ASAP2: variants seen among roughly 807,000 people sequenced by gnomAD.
The protein encoded by ASAP2 is ArfGAP with SH3 domain, ankyrin repeat and PH domain 2.
ASAP2 carries 45 observed loss-of-function variants against 131.4 expected under a neutral mutation model. That is an observed-to-expected ratio of 0.34 (90% CI 0.27 to 0.44). The LOEUF is 0.44. ASAP2 is among the 20% of genes least tolerant of loss of function. The probability of loss-of-function intolerance (pLI) is 1.00; values close to 1 mark genes in which losing one functional copy is unlikely to be tolerated. For missense variants in ASAP2, 1,011 were observed against 1,297.0 expected (o/e 0.78, Z 3.39); for synonymous variants, 510 against 503.0 (o/e 1.01, Z -0.19).
In ASAP2 at chr2:9,369,557, G is replaced by A. The variant is rs184479077; in HGVS notation, c.1556+1038G>A. Among the ~76,000 whole-genome samples, 64 of 152,336 alleles carry A rather than the reference G, an allele frequency of 4.2e-4. 2 individuals carry two copies. The highest frequency in any genetic ancestry group is 1.3e-3 in the African/African-American group (55 of 41,576). On this transcript the variant is annotated intron_variant, in intron 16 of 27. Transcript: ENST00000281419. ...TACCTGTTTTGTTGTGATGCAAAGT[G>A]AAACAGACGGAAGGAAGGAGAGAGG...
chr2:9,387,056 A>G (rs1390343210), intron 21 of ASAP2, among the ~76,000 whole-genome samples: 3 of 137,038 alleles, frequency 2.2e-5, no homozygotes, highest in Non-Finnish European at 4.6e-5. Context: ...ATACAAAAAA[A>G]TTAGCCGGGC....
Position 9,226,140 on chromosome 2 carries a change from T to A in ASAP2, c.126+18910T>A, listed in dbSNP as rs537199127. On this transcript the variant is annotated intron_variant, in intron 1 of 27. Coordinates refer to ENST00000281419, the MANE Select transcript of ASAP2 (RefSeq NM_003887.3). ...AGAGGGGCTCAGAAGGTCAGTTGTT[T>A]GAAGTCCCACAGCTGGCTGGCCACG... Among the ~76,000 whole-genome samples the A allele has an allele frequency of 7.2e-5, 11 of 152,320 alleles. No homozygotes were observed. In the South Asian group the frequency reaches 1.0e-3, roughly 14 times the overall value.
chr2:9,221,323 C>CTTTTT (rs35784307), intron 1 of ASAP2, among the ~76,000 whole-genome samples: 54 of 131,910 alleles, frequency 4.1e-4, no homozygotes, highest in South Asian at 7.3e-4. Context: ...CTTTTCTTTT[C>CTTTTT]TTTTTTTTTT....
At chr2:9,258,569 C>T (rs1665342111) in intron 1 of ASAP2, among the ~76,000 whole-genome samples, 1 of 152,130 alleles carries the variant, frequency 6.6e-6, no homozygotes, top group African/African-American at 2.4e-5. Flanking sequence ...CCCCCGCCGC[C>T]ACACTCATCT....
intron 1 of ASAP2, among the ~76,000 whole-genome samples, chr2:9,255,526 A>C (rs1343417667): frequency 1.3e-5 from 2 of 152,232 alleles, no homozygotes; most frequent in African/African-American, 2.4e-5. Flanking sequence ...ATTTGATGTA[A>C]ATGCACACTG....
chr2:9,239,221 A>G (rs1663768007), intron 1 of ASAP2, among the ~76,000 whole-genome samples: 1 of 152,180 alleles, frequency 6.6e-6, no homozygotes, highest in Admixed American at 6.5e-5. Flanking sequence ...CATTTTTAAC[A>G]CTGCAACTAC....
At chr2:9,358,308 C>T (rs1672847998) in intron 14 of ASAP2, among the ~76,000 whole-genome samples, 1 of 152,194 alleles carries the variant, frequency 6.6e-6, no homozygotes, top group Non-Finnish European at 1.5e-5. Flanking sequence ...AGTACGTTCT[C>T]TGTTATTATC....
chr2:9,334,965 G>T, intron 8 of ASAP2, 128 bp from the exon 9 acceptor site: 1 of 1,343,882 alleles, frequency 7.4e-7, no homozygotes, highest in Non-Finnish European at 1.0e-6. Flanking sequence ...CTTGGTGGGA[G>T]GGAAGGTTTG....
intron 24 of ASAP2, chr2:9,398,808 C>CAAAAA (rs539475871): frequency 1.2e-3 from 117 of 101,164 alleles, no homozygotes; most frequent in African/African-American, 3.0e-3. Context: ...GACTCCATCT[C>CAAAAA]AAAAAAAAAA....
At chr2:9,347,284 A>G (rs976514043) in intron 11 of ASAP2, among the ~76,000 whole-genome samples, 1 of 152,164 alleles carries the variant, frequency 6.6e-6, no homozygotes, top group African/African-American at 2.4e-5. Flanking sequence ...GACTGCGTCT[A>G]CAGAGAGGTT....
At chr2:9,283,983 G>A (rs899716002) in intron 2 of ASAP2, among the ~76,000 whole-genome samples, 4 of 152,134 alleles carry the variant, frequency 2.6e-5, no homozygotes, top group South Asian at 4.1e-4. Flanking sequence ...GGGAAGGGAC[G>A]CAATTCAGTC....
intron 1 of ASAP2, among the ~76,000 whole-genome samples, chr2:9,235,996 G>C (rs1387670674): frequency 2.0e-5 from 3 of 152,152 alleles, no homozygotes; most frequent in African/African-American, 4.8e-5. Flanking sequence ...GTGGGTGGAG[G>C]CCAGGATGCT....
At chr2:9,359,772 C>T (rs907930300) in intron 15 of ASAP2, among the ~76,000 whole-genome samples, 39 of 152,174 alleles carry the variant, frequency 2.6e-4, no homozygotes, top group African/African-American at 8.2e-4. Flanking sequence ...GTCTGAACTT[C>T]GAATGCATTT....
chr2:9,370,032 GT>G (rs745648078), intron 16 of ASAP2, among the ~76,000 whole-genome samples: 4 of 152,080 alleles, frequency 2.6e-5, no homozygotes, highest in East Asian at 1.9e-4. Flanking sequence ...TAGAGATGGG[GT>G]TTCACCATGT....
chr2:9,253,973 C>T lies in ASAP2; in HGVS notation c.127-25344C>T, dbSNP rs564478418. On this transcript the variant is annotated intron_variant, in intron 1 of 27. Coordinates refer to ENST00000281419, the MANE Select transcript of ASAP2 (RefSeq NM_003887.3). ...CTGTAATCCCAGCACTTTGGGAGGGCGAGGTGGGTGGATCACAAGGTTGGG... is the reference window on the plus strand; with the variant it reads ...CTGTAATCCCAGCACTTTGGGAGGGTGAGGTGGGTGGATCACAAGGTTGGG... Among the ~76,000 whole-genome samples, 27 of 151,458 alleles carry T rather than the reference C, an allele frequency of 1.8e-4. No homozygotes were observed. The South Asian group carries it at 3.6e-3, about 20-fold the overall frequency.
At chr2:9,209,431 A>G (rs1661374515) in intron 1 of ASAP2, among the ~76,000 whole-genome samples, 2 of 152,262 alleles carry the variant, frequency 1.3e-5, no homozygotes, top group African/African-American at 4.8e-5. Flanking sequence ...TTGGTTTTAA[A>G]CAAAAATCTT....
intron 6 of ASAP2, among the ~76,000 whole-genome samples, chr2:9,324,692 ACTG>A (rs1193186898): frequency 6.6e-6 from 1 of 152,138 alleles, no homozygotes; most frequent in East Asian, 1.9e-4. Flanking sequence ...ACCACTCAAC[ACTG>A]CTGCATTGGG....
At chr2:9,243,795 T>G (rs1664151435) in intron 1 of ASAP2, among the ~76,000 whole-genome samples, 1 of 152,210 alleles carries the variant, frequency 6.6e-6, no homozygotes, top group South Asian at 2.1e-4. Context: ...TGCTGAGGAT[T>G]CTAAATATGG....
At chr2:9,324,446 C>G (rs1670354753) in intron 6 of ASAP2, among the ~76,000 whole-genome samples, 2 of 152,096 alleles carry the variant, frequency 1.3e-5, no homozygotes, top group Non-Finnish European at 2.9e-5. Flanking sequence ...AAGAAATTTC[C>G]CAGTTCTGGA....
Sources: allele counts gnomAD v4.1 joint callset (sites outside exome capture counted in the v4.1 genomes callset), GRCh38; gene constraint gnomAD v4.1.1; transcripts MANE v1.5; gene names NCBI Gene and HGNC (gene_info 2026-07-23, HGNC 2026-07-21).